Variants in FOXN1 observed in about 807,000 individuals in gnomAD.
FOXN1 encodes the protein forkhead box protein N1.
Under a neutral mutation model 49.0 loss-of-function variants are expected in FOXN1, and 15 were observed. The observed-to-expected ratio is 0.31, with a 90% CI of 0.20 to 0.47. The LOEUF (loss-of-function observed/expected upper bound fraction) is 0.47, where lower values mean the gene tolerates loss of function less well. FOXN1 is among the 20% of genes least tolerant of loss of function. FOXN1 has a pLI of 1.00. For missense variants in FOXN1, 800 were observed against 842.8 expected (o/e 0.95, Z 0.63); for synonymous variants, 356 against 369.0 (o/e 0.96, Z 0.40).
chr17:28,531,766 C>T (rs532810455), intron 6 of FOXN1, among the ~76,000 whole-genome samples: 34 of 152,324 alleles, frequency 2.2e-4, no homozygotes, highest in Non-Finnish European at 4.6e-4. Context: ...TAATCCAGAA[C>T]TCAGCTCCAC....
intron 8 of FOXN1, 21 bp from the exon 9 acceptor site, chr17:28,537,096 G>C (rs1223550910): frequency 1.2e-6 from 2 of 1,607,676 alleles, no homozygotes; most frequent in South Asian, 1.1e-5. Context: ...AGTGACACCT[G>C]TTCTCTCCTT....
rs2069700870 is a variant in FOXN1, at chr17:28,523,937, G to A, written c.-14-19G>A. 2 of 1,612,984 alleles carry A rather than the reference G, an allele frequency of 1.2e-6. No homozygotes were observed. Among genetic ancestry groups the A allele is most frequent in the Admixed American group, 1.7e-5 (1 of 59,984 alleles). ...CTGGATGCTGGTCCTCACTCTCATG[G>A]CAGACGGCTTTCTTTGAGGCCAGGA... On this transcript the variant is annotated intron_variant, in intron 1 of 8. Transcript: ENST00000579795.
chr17:28,538,285 C>T lies in FOXN1; in HGVS notation c.*849C>T, dbSNP rs940796707. The T allele has an allele frequency of 1.3e-5, 2 of 152,206 alleles. No homozygotes were observed. Among genetic ancestry groups the T allele is most frequent in the African/African-American group, 4.8e-5 (2 of 41,422 alleles). 9.4% of individuals were successfully genotyped at this position (152,206 alleles called of 1,614,324 possible). The stretch of plus-strand genomic sequence containing the variant: ...AGGAAGGGCCCCCTCCAGGTCACCA[C>T]AATCTCACTCCTCCTCCAGAAAGAA... On this transcript the variant is annotated 3_prime_UTR_variant, in exon 9 of 9. Transcript: ENST00000579795.
intron 6 of FOXN1, among the ~76,000 whole-genome samples, chr17:28,533,485 A>ACG (rs777496111): frequency 7.9e-6 from 1 of 126,380 alleles, no homozygotes; most frequent in Non-Finnish European, 1.7e-5. Flanking sequence ...TGGCACGAGC[A>ACG]CCCCCCCCCA....
chr17:28,524,597 C>G lies in FOXN1; in HGVS notation c.218C>G (p.Pro73Arg). ...LPPHSPRIAS[P>R]GPEQVQGHCP... ...CCACACAGCCCCCGCATTGCGTCAC[C>G]AGGGCCCGAGCAAGTCCAGGGCCAC... The change falls in exon 3 of 9, where the codon CCA becomes CGA. Residue 73 changes from proline to arginine, a missense_variant. Physicochemically the swap from Pro to Arg is moderately radical, Grantham distance 103. Around this residue, in one of 3 missense-constraint regions of FOXN1, gnomAD observed 383 missense variants for 357.9 expected, o/e 1.07. Transcript: ENST00000579795. 1 of 1,613,610 alleles carries G rather than the reference C, an allele frequency of 6.2e-7. No homozygotes were observed. The highest frequency in any genetic ancestry group is 8.5e-7 in the Non-Finnish European group (1 of 1,179,984).
At chr17:28,507,041 T>C (rs781970067) in intron 1 of FOXN1, among the ~76,000 whole-genome samples, 1 of 152,166 alleles carries the variant, frequency 6.6e-6, no homozygotes, top group Non-Finnish European at 1.5e-5. Context: ...GCTGTGGCCA[T>C]GAGTTGATGC....
intron 8 of FOXN1, among the ~76,000 whole-genome samples, chr17:28,535,648 C>G (rs2151500228): frequency 6.6e-6 from 1 of 152,288 alleles, no homozygotes; most frequent in Non-Finnish European, 1.5e-5. Flanking sequence ...CTACTCGAGG[C>G]TAGAGAATCA....
chr17:28,530,711 C>A, intron 5 of FOXN1, 38 bp from the exon 6 acceptor site: 1 of 1,210,692 alleles, frequency 8.3e-7, no homozygotes, highest in South Asian at 1.2e-5. Flanking sequence ...AGGACCCAGT[C>A]AGAGGTTCGG....
intron 6 of FOXN1, among the ~76,000 whole-genome samples, chr17:28,531,073 A>C (rs898009745): frequency 1.3e-5 from 2 of 152,242 alleles, no homozygotes; most frequent in African/African-American, 4.8e-5. Context: ...AAGGTTGCAC[A>C]GCAGACTGGA....
chr17:28,508,912 C>G (rs1435821925), intron 1 of FOXN1, among the ~76,000 whole-genome samples: 2 of 151,892 alleles, frequency 1.3e-5, no homozygotes, highest in Non-Finnish European at 2.9e-5. Context: ...GCTTCTGCAG[C>G]AGGAGTGACT....
At chr17:28,515,490 T>C (rs1158068810) in intron 1 of FOXN1, among the ~76,000 whole-genome samples, 2 of 149,048 alleles carry the variant, frequency 1.3e-5, no homozygotes, top group African/African-American at 5.0e-5. Flanking sequence ...CATACTTCCA[T>C]AGGTGAACAT....
At chr17:28,517,960 A>C (rs2069561039) in intron 1 of FOXN1, among the ~76,000 whole-genome samples, 1 of 149,730 alleles carries the variant, frequency 6.7e-6, no homozygotes, top group Admixed American at 6.6e-5. Context: ...ACACACCTCC[A>C]CAGGGTACAT....
chr17:28,532,870 C>T (rs2069947082), intron 6 of FOXN1, among the ~76,000 whole-genome samples: 1 of 152,206 alleles, frequency 6.6e-6, no homozygotes. Context: ...ATTCATGGGG[C>T]CATAAAAGGC....
Position 28,535,358 on chromosome 17 carries a change from C to T in FOXN1, c.1627+160C>T, listed in dbSNP as rs574374662. The stretch of plus-strand genomic sequence containing the variant: ...TGGACCTGGCAGGGGGAGCTTCCCA[C>T]TTGCTCTCTGCCATCCAGAGAATGG... On this transcript the variant is annotated intron_variant, in intron 8 of 8. Coordinates refer to ENST00000579795, the MANE Select transcript of FOXN1 (RefSeq NM_001369369.1). Among the ~76,000 whole-genome samples the T allele has an allele frequency of 3.9e-5, 6 of 152,332 alleles. No homozygotes were observed. The South Asian group carries it at 1.0e-3, about 26-fold the overall frequency.
At chr17:28,535,640 A>G (rs56914038) in intron 8 of FOXN1, among the ~76,000 whole-genome samples, 4,172 of 152,196 alleles carry the variant, frequency 0.027, 184 homozygotes, top group African/African-American at 0.095. Flanking sequence ...AATCCCAGCT[A>G]CTCGAGGCTA....
rs373952661 is a variant in FOXN1 at position 28,534,587 on chromosome 17, C to CAA, written c.1135+62_1135+63dup. ...GGAAGGGCCCAGGGTACTCATGAGC[C>CAA]AAAAAAAAAAAAAAGAGAGAATCAG... On this transcript the variant is annotated intron_variant, in intron 7 of 8. Transcript: ENST00000579795. This position sits in a 1 kb window ranked among gnomAD's most constrained non-coding sequence, Gnocchi z 4.1. The CAA allele has an allele frequency of 1.6e-3, 2,389 of 1,468,312 alleles. No homozygotes were observed. Among genetic ancestry groups the CAA allele is most frequent in the South Asian group, 2.5e-3 (200 of 79,004 alleles). 91.0% of individuals were successfully genotyped at this position (1,468,312 alleles called of 1,614,324 possible). A position where few individuals can be genotyped will look rare whatever the true frequency, so the allele number is the denominator to read the frequency against.
Position 28,523,832 on chromosome 17 carries a change from CA to C in FOXN1, c.-14-123del, listed in dbSNP as rs2069697180. ...TCTCTCTCTCTCTCTCTCTCTCTCTCATCAGATGGCTGACTGGAGGCAGGGT... is the reference window on the plus strand; with the variant it reads ...TCTCTCTCTCTCTCTCTCTCTCTCTCTCAGATGGCTGACTGGAGGCAGGGT... On this transcript the variant is annotated intron_variant, in intron 1 of 8. Transcript: ENST00000579795. 2.5e-5 allele frequency: 18 copies of C among 715,884 alleles called. No individual in the cohort carries two copies. In the African/African-American group the frequency reaches 3.0e-4, roughly 12 times the overall value. The allele number at this position is 715,884 out of a possible 1,614,324, so 44.3% of individuals were successfully genotyped here. A position where few individuals can be genotyped will look rare whatever the true frequency, so the allele number is the denominator to read the frequency against.
At chr17:28,512,106 A>C (rs2069408232) in intron 1 of FOXN1, among the ~76,000 whole-genome samples, 1 of 152,170 alleles carries the variant, frequency 6.6e-6, no homozygotes, top group African/African-American at 2.4e-5. Flanking sequence ...CCCATACCCC[A>C]GCCCATTTCT....
At chr17:28,526,687 G>A (rs372969526) in intron 3 of FOXN1, among the ~76,000 whole-genome samples, 37 of 152,320 alleles carry the variant, frequency 2.4e-4, no homozygotes, top group South Asian at 6.2e-4. Flanking sequence ...CCAGGAGTCA[G>A]AGCGGAGAGG....
Sources: gnomAD v4.1 joint callset for allele counts (sites outside exome capture counted in the v4.1 genomes callset) on GRCh38, gnomAD v4.1.1 for gene constraint, gnomAD v4.1.1 regional missense constraint, Gnocchi (gnomAD v3.1) non-coding constraint, MANE v1.5 for transcripts, NCBI Gene and HGNC (gene_info 2026-07-23, HGNC 2026-07-21) for gene names.